GPC6: variants seen among roughly 807,000 people sequenced by gnomAD.
The protein encoded by GPC6 is glypican-6.
Under a neutral mutation model 55.2 loss-of-function variants are expected in GPC6, and 14 were observed. The observed-to-expected ratio is 0.25, with a 90% CI of 0.17 to 0.40. The LOEUF is 0.40. Among genes scored for constraint, GPC6 ranks in the 10% least tolerant of loss-of-function variants. The pLI is 1.00. For synonymous variants in GPC6, 278 were observed against 259.6 expected (o/e 1.07, Z -0.68); for missense variants, 641 against 708.5 (o/e 0.90, Z 1.08).
intron 2 of GPC6, among the ~76,000 whole-genome samples, chr13:93,560,595 C>A (rs995182316): frequency 4.0e-5 from 6 of 151,898 alleles, no homozygotes; most frequent in Admixed American, 1.3e-4. Flanking sequence ...GTGGCTCATG[C>A]CTGTAATCCC....
chr13:93,759,210 T>C (rs1884877683), intron 2 of GPC6, among the ~76,000 whole-genome samples: 1 of 152,160 alleles, frequency 6.6e-6, no homozygotes, highest in African/African-American at 2.4e-5. Context: ...TCATAATATG[T>C]TTTCAAGCTT....
chr13:94,386,160 C>T (rs746986815), intron 7 of GPC6, among the ~76,000 whole-genome samples: 1 of 151,650 alleles, frequency 6.6e-6, no homozygotes, highest in Non-Finnish European at 1.5e-5. Flanking sequence ...CAGATCGAGA[C>T]CATCCTGGCT....
At chr13:93,355,558 AC>A (rs1359529121) in intron 1 of GPC6, among the ~76,000 whole-genome samples, 2 of 152,164 alleles carry the variant, frequency 1.3e-5, no homozygotes, top group Non-Finnish European at 2.9e-5. Flanking sequence ...CCACAATAGA[AC>A]AGTTTGGGAT....
At chr13:93,478,604 A>G (rs529953977) in intron 1 of GPC6, among the ~76,000 whole-genome samples, 124 of 152,326 alleles carry the variant, frequency 8.1e-4, no homozygotes, top group African/African-American at 2.9e-3. Flanking sequence ...TTCTGGATCC[A>G]TAGCACATGA....
intron 2 of GPC6, among the ~76,000 whole-genome samples, chr13:93,579,901 C>T (rs1312872906): frequency 2.6e-5 from 4 of 152,112 alleles, no homozygotes; most frequent in Non-Finnish European, 5.9e-5. Flanking sequence ...TCCATAGACC[C>T]CTAAAAAGCT....
rs181544106 is a variant in GPC6, at chr13:93,901,202, A to T, written c.711+70657A>T. ...TACTGATTTCTCTGCTTAGAAGTTCATCTTTCAAATTATGCAAAATATATA... is the reference window on the plus strand; with the variant it reads ...TACTGATTTCTCTGCTTAGAAGTTCTTCTTTCAAATTATGCAAAATATATA... On this transcript the variant is annotated intron_variant, in intron 3 of 8. Transcript: ENST00000377047. Among the ~76,000 whole-genome samples, 14 of 152,306 alleles carry T rather than the reference A, an allele frequency of 9.2e-5. No homozygotes were observed. In the East Asian group the frequency reaches 2.5e-3, roughly 27 times the overall value.
intron 1 of GPC6, among the ~76,000 whole-genome samples, chr13:93,332,373 G>C (rs2139138409): frequency 6.6e-6 from 1 of 151,266 alleles, no homozygotes; most frequent in Middle Eastern, 3.4e-3. Context: ...TCCCTTGCCA[G>C]TGTTTATCTT....
At chr13:94,110,953 C>G (rs1886223524) in intron 4 of GPC6, among the ~76,000 whole-genome samples, 1 of 152,040 alleles carries the variant, frequency 6.6e-6, no homozygotes, top group Admixed American at 6.6e-5. Flanking sequence ...TTCTCTGGAG[C>G]AGTTGTACAA....
At chr13:93,803,926 A>T (rs1478312809) in intron 2 of GPC6, among the ~76,000 whole-genome samples, 1 of 152,102 alleles carries the variant, frequency 6.6e-6, no homozygotes, top group African/African-American at 2.4e-5. Context: ...GAAAATCAGA[A>T]CGGCTGCTAA....
chr13:93,861,325 A>C (rs1359112633), intron 3 of GPC6, among the ~76,000 whole-genome samples: 2 of 151,468 alleles, frequency 1.3e-5, no homozygotes, highest in Non-Finnish European at 3.0e-5. Context: ...TAAGACATTC[A>C]TTTCAAAATG....
intron 2 of GPC6, among the ~76,000 whole-genome samples, chr13:93,735,700 G>C (rs1331528299): frequency 6.6e-6 from 1 of 152,116 alleles, no homozygotes; most frequent in Non-Finnish European, 1.5e-5. Flanking sequence ...AATTTTCAAA[G>C]CCAAAATAAT....
intron 4 of GPC6, among the ~76,000 whole-genome samples, chr13:94,264,203 A>G (rs1414816487): frequency 1.3e-5 from 2 of 152,218 alleles, no homozygotes; most frequent in Non-Finnish European, 2.9e-5. Context: ...TGTTAGGCAA[A>G]ACCAAGGCTT....
intron 1 of GPC6, among the ~76,000 whole-genome samples, chr13:93,502,264 G>T (rs1212319201): frequency 6.6e-6 from 1 of 151,972 alleles, no homozygotes; most frequent in Non-Finnish European, 1.5e-5. Context: ...GAGAGTGAGA[G>T]GGAGGGGGAG....
intron 2 of GPC6, among the ~76,000 whole-genome samples, chr13:93,779,771 G>A (rs1885579608): frequency 6.6e-6 from 1 of 151,972 alleles, no homozygotes; most frequent in African/African-American, 2.4e-5. Context: ...TTTTTTCAGA[G>A]GCACCACGCA....
chr13:94,072,856 G>A (rs1884785036), intron 4 of GPC6, among the ~76,000 whole-genome samples: 1 of 152,178 alleles, frequency 6.6e-6, no homozygotes, highest in African/African-American at 2.4e-5. Flanking sequence ...AGACTAGAGG[G>A]GTGATGCCCA....
intron 3 of GPC6, among the ~76,000 whole-genome samples, chr13:93,844,332 T>G (rs1888084016): frequency 6.6e-6 from 1 of 152,070 alleles, no homozygotes; most frequent in Non-Finnish European, 1.5e-5. Flanking sequence ...AGAGACGGGG[T>G]TTCACCATGT....
chr13:93,411,462 G>C (rs1876492307), intron 1 of GPC6, among the ~76,000 whole-genome samples: 1 of 152,156 alleles, frequency 6.6e-6, no homozygotes, highest in Non-Finnish European at 1.5e-5. Flanking sequence ...TGTTGATTGA[G>C]AAAGAACCAC....
rs1388985108 is a variant in GPC6, at chr13:93,493,049, G to A, written c.161-52214G>A. On this transcript the variant is annotated intron_variant, in intron 1 of 8. Coordinates refer to ENST00000377047, the MANE Select transcript of GPC6 (RefSeq NM_005708.5). ...ATGCTGGCCTCATAAAATGAGTTAGGGAGGATTCCCTCTTTTTCTATTGAT... is the reference window on the plus strand; with the variant it reads ...ATGCTGGCCTCATAAAATGAGTTAGAGAGGATTCCCTCTTTTTCTATTGAT... Among the ~76,000 whole-genome samples, 117 of 87,480 alleles carry A rather than the reference G, an allele frequency of 1.3e-3. 2 individuals carry two copies. The highest frequency in any genetic ancestry group is 4.5e-3 in the African/African-American group (99 of 22,022). The allele number at this position is 87,480 out of a possible 152,430, so 57.4% of individuals were successfully genotyped here. A position where few individuals can be genotyped will look rare whatever the true frequency, so the allele number is the denominator to read the frequency against.
intron 2 of GPC6, among the ~76,000 whole-genome samples, chr13:93,828,715 A>AT (rs1555334442): frequency 6.6e-6 from 1 of 152,082 alleles, no homozygotes; most frequent in African/African-American, 2.4e-5. Context: ...TCTATTTAAA[A>AT]ATATATATAT....
Sources: allele counts gnomAD v4.1 joint callset (sites outside exome capture counted in the v4.1 genomes callset), GRCh38; gene constraint gnomAD v4.1.1; transcripts MANE v1.5; gene names NCBI Gene and HGNC (gene_info 2026-07-23, HGNC 2026-07-21).